RBMS3: variants seen among roughly 807,000 people sequenced by gnomAD.
RBMS3 encodes the protein RNA-binding motif, single-stranded-interacting protein 3.
Under a neutral mutation model 66.8 loss-of-function variants are expected in RBMS3, and 27 were observed. The ratio of observed to expected loss-of-function variants is 0.40; its 90% confidence interval spans 0.30 to 0.56. RBMS3 has a LOEUF of 0.56. Ranked by LOEUF, RBMS3 falls within the 20% of genes least tolerant of loss-of-function variation. The probability of loss-of-function intolerance (pLI) is 0.40; values close to 1 mark genes in which losing one functional copy is unlikely to be tolerated. For synonymous variants in RBMS3, 188 were observed against 183.0 expected (o/e 1.03, Z -0.22); for missense variants, 513 against 549.5 (o/e 0.93, Z 0.66).
Position 29,892,955 on chromosome 3 carries a change from G to A in RBMS3, c.792-4424G>A, listed in dbSNP as rs865948566. ...GCTAAGAGATTTGGAAACACATTCT[G>A]CAGTTCCCTCCTTGGAGTCTGGCCT... On this transcript the variant is annotated intron_variant, in intron 8 of 14. Coordinates refer to ENST00000383767, the MANE Select transcript of RBMS3 (RefSeq NM_001003793.3). Among the ~76,000 whole-genome samples the A allele has an allele frequency of 2.3e-4, 35 of 151,284 alleles. 2 individuals are homozygous for A. In the South Asian group the frequency reaches 3.1e-3, roughly 13 times the overall value.
In RBMS3 at chr3:29,281,157, CT is replaced by C; in HGVS notation, c.-520del. The C allele has an allele frequency of 1.9e-5, 1 of 52,028 alleles. No individual in the cohort carries two copies. The highest frequency in any genetic ancestry group is 4.0e-5 in the Non-Finnish European group (1 of 24,924). The allele number at this position is 52,028 out of a possible 1,614,324, so 3.2% of individuals were successfully genotyped here. The stretch of plus-strand genomic sequence containing the variant: ...TCTTCCTTTTTTTCTTTTTTTTTTT[CT>C]TTTTCCCCTTTCTTTTTCTTTCTTT... On this transcript the variant is annotated 5_prime_UTR_variant, in exon 1 of 15. Coordinates refer to ENST00000383767, the MANE Select transcript of RBMS3 (RefSeq NM_001003793.3).
chr3:29,790,059 G>A (rs1204626460), intron 6 of RBMS3, among the ~76,000 whole-genome samples: 1 of 152,090 alleles, frequency 6.6e-6, no homozygotes, highest in Non-Finnish European at 1.5e-5. Context: ...TTTTACAGGT[G>A]ATTTTAGCTA....
At chr3:29,652,717 G>A (rs946408082) in intron 4 of RBMS3, among the ~76,000 whole-genome samples, 2 of 152,080 alleles carry the variant, frequency 1.3e-5, no homozygotes, top group Non-Finnish European at 2.9e-5. Context: ...ATGTCTTTAA[G>A]GTTTGTTTTT....
chr3:29,620,367 T>G (rs1031509405), intron 4 of RBMS3, among the ~76,000 whole-genome samples: 1 of 152,150 alleles, frequency 6.6e-6, no homozygotes, highest in Non-Finnish European at 1.5e-5. Context: ...TGCACAATTT[T>G]TGAGTCTTCA....
chr3:29,562,106 T>A (rs1333932339), intron 3 of RBMS3, among the ~76,000 whole-genome samples: 2 of 152,306 alleles, frequency 1.3e-5, no homozygotes, highest in East Asian at 3.9e-4. Flanking sequence ...TAATTCTAAT[T>A]TTCAGAGCTG....
intron 1 of RBMS3, among the ~76,000 whole-genome samples, chr3:29,429,172 T>C (rs1280480979): frequency 6.6e-6 from 1 of 152,192 alleles, no homozygotes; most frequent in Admixed American, 6.5e-5. Context: ...CATTTACCCT[T>C]TTTGTGCCTC....
chr3:29,527,181 T>TAAAA (rs538907247), intron 3 of RBMS3, among the ~76,000 whole-genome samples: 5 of 87,810 alleles, frequency 5.7e-5, no homozygotes, highest in East Asian at 4.6e-4. Context: ...TTAGGTAGAG[T>TAAAA]AAAAAAAAAA....
intron 12 of RBMS3, 52 bp from the exon 13 acceptor site, chr3:29,988,090 TC>T: frequency 7.1e-7 from 1 of 1,409,212 alleles, no homozygotes; most frequent in Non-Finnish European, 1.0e-6. Flanking sequence ...TTAATAATTT[TC>T]TCACTGGTTG....
intron 11 of RBMS3, among the ~76,000 whole-genome samples, chr3:29,938,189 AAT>A (rs1387925002): frequency 2.0e-5 from 3 of 152,012 alleles, no homozygotes; most frequent in African/African-American, 7.2e-5. Context: ...TCAGAATTAA[AAT>A]AGTTATTGAT....
At chr3:29,720,113 C>CTAGCT (rs1397027220) in intron 4 of RBMS3, among the ~76,000 whole-genome samples, 10 of 152,168 alleles carry the variant, frequency 6.6e-5, no homozygotes, top group Non-Finnish European at 1.3e-4. Flanking sequence ...CCCGCTAGCT[C>CTAGCT]CCTCTGTTGC....
At chr3:29,472,085 G>A (rs377479632) in intron 2 of RBMS3, among the ~76,000 whole-genome samples, 31 of 151,946 alleles carry the variant, frequency 2.0e-4, no homozygotes, top group African/African-American at 7.2e-4. Context: ...TGTACTAATC[G>A]TCAGTGTATA....
chr3:29,912,908 C>T (rs13326291), intron 10 of RBMS3, among the ~76,000 whole-genome samples: 14,480 of 151,860 alleles, frequency 0.095, 1,345 homozygotes, highest in African/African-American at 0.24. Context: ...CAAGATTGTT[C>T]AGTTTGTGCC....
intron 5 of RBMS3, among the ~76,000 whole-genome samples, chr3:29,755,675 T>C (rs2055378045): frequency 6.6e-6 from 1 of 152,136 alleles, no homozygotes; most frequent in Non-Finnish European, 1.5e-5. Context: ...GGAAGGACTG[T>C]AGACAGGGAG....
intron 6 of RBMS3, among the ~76,000 whole-genome samples, chr3:29,790,165 G>A (rs2056953552): frequency 6.6e-6 from 1 of 152,050 alleles, no homozygotes; most frequent in African/African-American, 2.4e-5. Flanking sequence ...CACTGACATA[G>A]AGAAAATACT....
intron 6 of RBMS3, among the ~76,000 whole-genome samples, chr3:29,809,510 G>A (rs1267745210): frequency 2.6e-5 from 4 of 151,822 alleles, no homozygotes; most frequent in Admixed American, 6.6e-5. Flanking sequence ...TAGTAACGGG[G>A]CCTTCAACTA....
At chr3:29,593,215 G>T (rs1024616148) in intron 4 of RBMS3, among the ~76,000 whole-genome samples, 1 of 152,130 alleles carries the variant, frequency 6.6e-6, no homozygotes, top group Non-Finnish European at 1.5e-5. Context: ...TTTTACCAAA[G>T]TGCAACTATT....
chr3:29,500,601 G>A (rs1415011193), intron 3 of RBMS3, among the ~76,000 whole-genome samples: 3 of 151,910 alleles, frequency 2.0e-5, no homozygotes, highest in African/African-American at 7.3e-5. Flanking sequence ...ACTTATGATT[G>A]TGTTACCATT....
At chr3:29,386,215 G>T (rs556383571) in intron 1 of RBMS3, among the ~76,000 whole-genome samples, 1 of 150,686 alleles carries the variant, frequency 6.6e-6, no homozygotes, top group Non-Finnish European at 1.5e-5. Context: ...CATTTTAACA[G>T]CATGACCACT....
intron 3 of RBMS3, among the ~76,000 whole-genome samples, chr3:29,494,889 A>G (rs915531336): frequency 6.8e-6 from 1 of 147,798 alleles, no homozygotes; most frequent in African/African-American, 2.4e-5. Context: ...ATGCCTATTA[A>G]CCATAGGATA....
Sources: gnomAD v4.1 joint callset for allele counts (sites outside exome capture counted in the v4.1 genomes callset) on GRCh38, gnomAD v4.1.1 for gene constraint, MANE v1.5 for transcripts, NCBI Gene and HGNC (gene_info 2026-07-23, HGNC 2026-07-21) for gene names.